Variants in CLBA1 observed in about 807,000 individuals in gnomAD.
CLBA1 encodes clathrin binding box of aftiphilin containing 1.
In CLBA1, 30 loss-of-function variants were observed where a neutral mutation model predicts 28.8. The ratio of observed to expected loss-of-function variants is 1.04; its 90% CI spans 0.78 to 1.41. CLBA1 has a LOEUF of 1.41. Among genes scored for constraint, CLBA1 ranks in the 40% most tolerant of loss-of-function variants. The pLI is 0.00. For missense variants in CLBA1, 451 were observed against 412.3 expected, an observed-to-expected ratio of 1.09 and a Z score of -0.81; for synonymous variants, 160 against 152.8, an observed-to-expected ratio of 1.05 and a Z score of -0.35.
chr14:104,991,450 G>C, intron 2 of CLBA1, 41 bp from the exon 3 acceptor site: 1 of 1,611,244 alleles, frequency 6.2e-7, no homozygotes. Context: ...TCCTCAGAAG[G>C]CTCTCAAGGT....
At chr14:104,994,337 AC>A in intron 4 of CLBA1, 4 of 985,208 alleles carry the variant, frequency 4.1e-6, no homozygotes, top group Non-Finnish European at 4.8e-6. Flanking sequence ...AGGGCCAGAG[AC>A]CCCGCCTAAG....
In CLBA1 at chr14:104,993,019, C is replaced by G; in HGVS notation, c.771C>G (p.Val257=). The change falls in exon 4 of 5, where the codon GTC becomes GTG. Residue 257 remains valine (V), a synonymous_variant. Transcript: ENST00000547315. ...DLKEPEGLLT[V]SSFCLQHCKA... ...AAGAGCCTGAAGGACTCCTCACTGT[C>G]AGCAGCTTCTGTCTCCAGCATTGCA... 1 of 1,614,160 alleles carries G rather than the reference C, an allele frequency of 6.2e-7. No homozygotes were observed. The highest frequency in any genetic ancestry group is 8.5e-7 in the Non-Finnish European group (1 of 1,180,036).
Position 104,985,844 on chromosome 14 carries a change from T to A in CLBA1, c.-588T>A. On this transcript the variant is annotated 5_prime_UTR_variant, in exon 1 of 5. Transcript: ENST00000547315. ...GGCTGGTTGCAGGTTTCTCTCGCCC[T>A]GGTCCCGCGCGGCCCCGCCGAGGCG... 1 of 247,880 alleles carries A rather than the reference T, an allele frequency of 4.0e-6. No individual in the cohort carries two copies. The highest frequency in any genetic ancestry group is 2.4e-5 in the South Asian group (1 of 42,140). 15.4% of individuals were successfully genotyped at this position (247,880 alleles called of 1,614,324 possible). A position where few individuals can be genotyped will look rare whatever the true frequency, so the allele number is the denominator to read the frequency against.
In CLBA1 at chr14:104,989,047, C is replaced by T. The variant is rs367618108; in HGVS notation, c.528C>T (p.Ser176=). 2 of 1,613,022 alleles carry T rather than the reference C, an allele frequency of 1.2e-6. No individual in the cohort carries two copies. Among genetic ancestry groups the T allele is most frequent in the East Asian group, 2.2e-5 (1 of 44,882 alleles). Residue 176 remains serine, a synonymous_variant, in exon 2 of 5, where the codon AGC becomes AGT. Transcript: ENST00000547315. Reference sequence around the variant, plus strand: ...CCATAGACCATTTCCTAGAAATAAGCAGTGAAGAAAAACCTGGCGTTGAAC... The same window carrying T: ...CCATAGACCATTTCCTAGAAATAAGTAGTGAAGAAAAACCTGGCGTTGAAC... ...VSTIDHFLEI[S]SEEKPGVERV...
intron 2 of CLBA1, 190 bp downstream of exon 2, chr14:104,989,278 T>C: frequency 1.7e-6 from 1 of 586,802 alleles, no homozygotes; most frequent in East Asian, 3.0e-5. Flanking sequence ...GGCCTTCCAC[T>C]CTGAGCCCTA....
At position 104,986,180 on chromosome 14, in the gene CLBA1, C is replaced by G. The variant is rs1038570454; in HGVS notation, c.-252C>G. ...CTGGTACGCGCCTCTGTGTCGGACT[C>G]CGCGCCCGCCTGCGTGGGAGGAAGC... On this transcript the variant is annotated 5_prime_UTR_variant, in exon 1 of 5. Coordinates refer to ENST00000547315, the MANE Select transcript of CLBA1 (RefSeq NM_174891.4). 5 of 558,796 alleles carry G rather than the reference C, an allele frequency of 8.9e-6. No individual in the cohort carries two copies. In the South Asian group the frequency reaches 1.0e-4, roughly 12 times the overall value. The allele number at this position is 558,796 out of a possible 1,614,324, so 34.6% of individuals were successfully genotyped here.
chr14:104,998,906 C>T (rs1184213528), downstream of CLBA1, among the ~76,000 whole-genome samples: 1 of 152,256 alleles, frequency 6.6e-6, no homozygotes, highest in Non-Finnish European at 1.5e-5. Flanking sequence ...TGCCAAATAA[C>T]ACTGATGGAG....
At chr14:104,987,606 CTTTTTTTTTTTTT>C (rs869117577) in intron 1 of CLBA1, among the ~76,000 whole-genome samples, 6 of 60,008 alleles carry the variant, frequency 1.0e-4, no homozygotes, top group East Asian at 1.0e-3. Flanking sequence ...TCTTCCTTTT[CTTTTTTTTTTTTT>C]TTTTTTTTTT....
chr14:104,997,541 C>T (rs1047101038), downstream of CLBA1, among the ~76,000 whole-genome samples: 5 of 152,154 alleles, frequency 3.3e-5, no homozygotes, highest in East Asian at 1.9e-4. Context: ...TGGAGAAAAC[C>T]GTACCTGAAC....
chr14:104,988,833 G>A, intron 1 of CLBA1, 110 bp from the exon 2 acceptor site: 2 of 1,136,980 alleles, frequency 1.8e-6, no homozygotes, highest in Non-Finnish European at 1.2e-6. Flanking sequence ...AACACTAATG[G>A]TATGATCAAT....
rs1036111010 is a variant in CLBA1 at position 104,991,414 on chromosome 14, C to T, written c.570-77C>T. The T allele has an allele frequency of 1.3e-5, 20 of 1,578,434 alleles. No homozygotes were observed. In the East Asian group the frequency reaches 2.7e-4, roughly 22 times the overall value. ...CGGGTAAAGGCCAGGCGCCCCGCTG[C>T]GTGCCTCGGGCCGTGCCTCATGATC... On this transcript the variant is annotated intron_variant, in intron 2 of 4. Coordinates refer to ENST00000547315, the MANE Select transcript of CLBA1 (RefSeq NM_174891.4).
intron 3 of CLBA1, among the ~76,000 whole-genome samples, chr14:104,992,199 TCACACGCCACCACTCACATGCCGCCACG>T (rs1449505484): frequency 2.6e-5 from 3 of 115,386 alleles, no homozygotes; most frequent in South Asian, 2.9e-4. Flanking sequence ...CGGCCACCAC[TCACACGCCACCACTCACATGCCGCCACG>T]CACACGCCAC....
chr14:104,995,633 A>T (rs1003732581), downstream of CLBA1: 1 of 347,506 alleles, frequency 2.9e-6, no homozygotes, highest in Non-Finnish European at 4.0e-6. Context: ...TGCCAAGGCC[A>T]CACAGGGGAC....
At chr14:104,996,468 G>A (rs1170243811), downstream of CLBA1, among the ~76,000 whole-genome samples, 1 of 152,204 alleles carries the variant, frequency 6.6e-6, no homozygotes, top group Non-Finnish European at 1.5e-5. Flanking sequence ...GGGAGTGGGG[G>A]CAGGGAGCTG....
intron 3 of CLBA1, among the ~76,000 whole-genome samples, chr14:104,992,679 G>C (rs1284115824): frequency 6.6e-6 from 1 of 152,240 alleles, no homozygotes; most frequent in African/African-American, 2.4e-5. Context: ...GCGGCAGCCT[G>C]AAGGGTGTGT....
At chr14:104,991,767 T>C in intron 3 of CLBA1, 147 bp downstream of exon 3, 1 of 938,066 alleles carries the variant, frequency 1.1e-6, no homozygotes, top group Non-Finnish European at 1.6e-6. Flanking sequence ...CATAAACGTG[T>C]CAGGGCCACT....
intron 1 of CLBA1, 115 bp downstream of exon 1, chr14:104,986,969 C>G (rs1899884108): frequency 1.4e-5 from 18 of 1,247,482 alleles, no homozygotes; most frequent in Non-Finnish European, 1.9e-5. Flanking sequence ...AGCCCCAGAG[C>G]GTCTGCTTCT....
chr14:104,997,149 A>G (rs1900169920), downstream of CLBA1, among the ~76,000 whole-genome samples: 1 of 152,216 alleles, frequency 6.6e-6, no homozygotes, highest in African/African-American at 2.4e-5. Flanking sequence ...GACATTCACC[A>G]AGAGATAGGG....
At chr14:104,992,199 TCA>T (rs1198132077) in intron 3 of CLBA1, among the ~76,000 whole-genome samples, 26 of 115,434 alleles carry the variant, frequency 2.3e-4, no homozygotes, top group African/African-American at 6.6e-4. Flanking sequence ...CGGCCACCAC[TCA>T]CACGCCACCA....
Sources: allele counts gnomAD v4.1 joint callset (sites outside exome capture counted in the v4.1 genomes callset), GRCh38; gene constraint gnomAD v4.1.1; transcripts MANE v1.5; gene names NCBI Gene and HGNC (gene_info 2026-07-23, HGNC 2026-07-21).